ARFGEF1: variants seen among roughly 807,000 people sequenced by gnomAD.
ARFGEF1 encodes ARF guanine nucleotide exchange factor 1.
Under a neutral mutation model 231.0 loss-of-function variants are expected in ARFGEF1, and 42 were observed. The observed-to-expected ratio is 0.18, with a 90% CI of 0.14 to 0.24. ARFGEF1 has a LOEUF of 0.24. Among genes scored for constraint, ARFGEF1 ranks in the 10% least tolerant of loss-of-function variants. The probability of loss-of-function intolerance (pLI) is 1.00; values close to 1 mark genes in which losing one functional copy is unlikely to be tolerated. For synonymous variants in ARFGEF1, 710 were observed against 732.3 expected, an observed-to-expected ratio of 0.97 and a Z score of 0.49; for missense variants, 1,345 against 2,192.0, an observed-to-expected ratio of 0.61 and a Z score of 7.72.
intron 30 of ARFGEF1, 48 bp from the exon 31 acceptor site, chr8:67,218,186 A>C: frequency 3.2e-6 from 2 of 620,234 alleles, no homozygotes; most frequent in Non-Finnish European, 4.1e-6. Context: ...ATCAACTACT[A>C]TGATTAAAAA....
intron 1 of ARFGEF1, among the ~76,000 whole-genome samples, chr8:67,309,968 G>A (rs1199282397): frequency 1.3e-5 from 2 of 151,980 alleles, no homozygotes; most frequent in Non-Finnish European, 2.9e-5. Context: ...TTGACTTCAC[G>A]ATCCAACTTT....
chr8:67,175,325 ATGTACC>A (rs769189572), downstream of ARFGEF1: 13 of 1,612,834 alleles, frequency 8.1e-6, no homozygotes, highest in South Asian at 1.3e-4. Flanking sequence ...TCTGAAATTT[ATGTACC>A]TGGATCCTCC....
chr8:67,325,667 T>G (rs191837880), intron 1 of ARFGEF1, among the ~76,000 whole-genome samples: 1 of 152,300 alleles, frequency 6.6e-6, no homozygotes, highest in Non-Finnish European at 1.5e-5. Context: ...GAATAACTAA[T>G]ACGTCTAATA....
chr8:67,292,044 T>A lies in ARFGEF1; in HGVS notation c.719A>T (p.Glu240Val), dbSNP rs1806032322. 1 of 1,613,884 alleles carries A rather than the reference T, an allele frequency of 6.2e-7. No individual in the cohort carries two copies. Among genetic ancestry groups the A allele is most frequent in the East Asian group, 2.2e-5 (1 of 44,892 alleles). The change falls in exon 6 of 39, where the codon GAG becomes GTG. Residue 240 changes from glutamate to valine, a missense_variant. By Grantham distance (121) the Glu-to-Val change is moderately radical. Transcript: ENST00000262215. ...ATATCTAAGTTGAGGTGATTCAGGCTCGTGATGGCTTACTGGAGACTGTAA... is the reference window on the plus strand; with the variant it reads ...ATATCTAAGTTGAGGTGATTCAGGCACGTGATGGCTTACTGGAGACTGTAA... ...HLLQSPVSHHEPESPQLRYLP... is the reference protein window; with the variant it reads ...HLLQSPVSHHVPESPQLRYLP...
At chr8:67,245,596 T>G (rs1011900539) in intron 19 of ARFGEF1, among the ~76,000 whole-genome samples, 3 of 149,040 alleles carry the variant, frequency 2.0e-5, no homozygotes, top group Non-Finnish European at 4.4e-5. Context: ...AAAAAACCTA[T>G]AATGAATAAA....
chr8:67,246,129 A>G lies in ARFGEF1; in HGVS notation c.2850+5170T>C, dbSNP rs2128881990. Among the ~76,000 whole-genome samples, 2 of 150,492 alleles carry G rather than the reference A, an allele frequency of 1.3e-5. 1 individual carries two copies. Among genetic ancestry groups the G allele is most frequent in the East Asian group, 3.9e-4 (2 of 5,178 alleles). On this transcript the variant is annotated intron_variant, in intron 19 of 38. Coordinates refer to ENST00000262215, the MANE Select transcript of ARFGEF1 (RefSeq NM_006421.5). Reference sequence around the variant, plus strand: ...CCAAATATATAAAGCAAATATTATTAGAGCTAAAGACAGAGACAGACCCCA... The same window carrying G: ...CCAAATATATAAAGCAAATATTATTGGAGCTAAAGACAGAGACAGACCCCA...
Position 67,277,268 on chromosome 8 carries a change from C to G in ARFGEF1, c.1203+14G>C, listed in dbSNP as rs1246170050. On this transcript the variant is annotated intron_variant, in intron 8 of 38. Coordinates refer to ENST00000262215, the MANE Select transcript of ARFGEF1 (RefSeq NM_006421.5). ...TAACAGGATTTCTCCCCCTCCCCACCCCTCCATTTATACCTGAGTATCATT... is the reference window on the plus strand; with the variant it reads ...TAACAGGATTTCTCCCCCTCCCCACGCCTCCATTTATACCTGAGTATCATT... The G allele has an allele frequency of 2.5e-6, 4 of 1,611,834 alleles. No homozygotes were observed. The highest frequency in any genetic ancestry group is 8.5e-7 in the Non-Finnish European group (1 of 1,178,754).
At chr8:67,316,573 A>C (rs1226780667) in intron 1 of ARFGEF1, among the ~76,000 whole-genome samples, 1 of 151,422 alleles carries the variant, frequency 6.6e-6, no homozygotes, top group Non-Finnish European at 1.5e-5. Context: ...TGATCCTCCC[A>C]CCTCAGCCTC....
chr8:67,308,725 T>C (rs1806858577), intron 1 of ARFGEF1, among the ~76,000 whole-genome samples: 1 of 152,204 alleles, frequency 6.6e-6, no homozygotes, highest in South Asian at 2.1e-4. Flanking sequence ...TGCTTACCTT[T>C]GATTCTGAGC....
chr8:67,280,971 G>C (rs1171148821), intron 7 of ARFGEF1, among the ~76,000 whole-genome samples: 1 of 151,836 alleles, frequency 6.6e-6, no homozygotes, highest in African/African-American at 2.4e-5. Flanking sequence ...AGTTAGTATA[G>C]TCAGTGATAA....
intron 36 of ARFGEF1, among the ~76,000 whole-genome samples, chr8:67,202,878 G>GA (rs1052373680): frequency 9.9e-5 from 15 of 152,238 alleles, no homozygotes; most frequent in Admixed American, 3.9e-4. Flanking sequence ...GACCAAGGGG[G>GA]AAAAAATCCA....
rs570124715 is a variant in ARFGEF1 at position 67,307,785 on chromosome 8, A to G, written c.125-5319T>C. ...TCTGCCATACCACGTGTTCTTCTAC[A>G]TAGTGACCTTGCCACCAGGAGATAT... On this transcript the variant is annotated intron_variant, in intron 1 of 38. Coordinates refer to ENST00000262215, the MANE Select transcript of ARFGEF1 (RefSeq NM_006421.5). Among the ~76,000 whole-genome samples, 6 of 152,312 alleles carry G rather than the reference A, an allele frequency of 3.9e-5. No individual in the cohort carries two copies. The South Asian group carries it at 8.3e-4, about 21-fold the overall frequency.
At chr8:67,200,357 G>A in intron 38 of ARFGEF1, 39 bp downstream of exon 38, 2 of 1,419,594 alleles carry the variant, frequency 1.4e-6, no homozygotes, top group African/African-American at 1.4e-5. Context: ...TGCGAATTGG[G>A]CTAGAAATGT....
intron 10 of ARFGEF1, among the ~76,000 whole-genome samples, chr8:67,270,824 A>G (rs1371709346): frequency 6.6e-6 from 1 of 151,364 alleles, no homozygotes; most frequent in Non-Finnish European, 1.5e-5. Flanking sequence ...CGGGAGTTTG[A>G]GACCAACCTG....
chr8:67,285,653 C>A (rs148734169), intron 7 of ARFGEF1, among the ~76,000 whole-genome samples: 1 of 152,162 alleles, frequency 6.6e-6, no homozygotes, highest in Non-Finnish European at 1.5e-5. Context: ...ACCATCTTAA[C>A]CAAATGATCC....
At chr8:67,292,373 G>C (rs528989083) in intron 5 of ARFGEF1, among the ~76,000 whole-genome samples, 2 of 152,084 alleles carry the variant, frequency 1.3e-5, no homozygotes, top group Non-Finnish European at 2.9e-5. Context: ...ACTGTATTTG[G>C]TGTTTGTGTG....
chr8:67,205,684 C>A (rs1020029069), intron 34 of ARFGEF1, among the ~76,000 whole-genome samples: 1 of 151,714 alleles, frequency 6.6e-6, no homozygotes, highest in African/African-American at 2.4e-5. Context: ...TGATGAAACC[C>A]CATCTTTACA....
rs1838144825 is a variant in ARFGEF1, at chr8:67,197,909, C to T, written c.*1025G>A. On this transcript the variant is annotated 3_prime_UTR_variant, in exon 39 of 39. Transcript: ENST00000262215. ...CAGTATGAATACATTTCCAGTAAAT[C>T]TAACCTCCGCAAACCATGCCAGATT... is the stretch of plus-strand genomic sequence containing the variant. The T allele has an allele frequency of 1.0e-6, 1 of 985,742 alleles. No homozygotes were observed. Among genetic ancestry groups the T allele is most frequent in the South Asian group, 4.7e-5 (1 of 21,290 alleles). 61.1% of individuals were successfully genotyped at this position (985,742 alleles called of 1,614,324 possible). A position where few individuals can be genotyped will look rare whatever the true frequency, so the allele number is the denominator to read the frequency against.
Position 67,238,920 on chromosome 8 carries a change from C to A in ARFGEF1, c.2980-27G>T, listed in dbSNP as rs1284311699. 3 of 1,601,828 alleles carry A rather than the reference C, an allele frequency of 1.9e-6. No homozygotes were observed. In the East Asian group the frequency reaches 6.7e-5, roughly 36 times the overall value. On this transcript the variant is annotated intron_variant, in intron 20 of 38. Transcript: ENST00000262215. ...TATAAAAAAGAGAAAAGTATGTTTA[C>A]ACAGTTCTAAATAGAGCAGACTGAT...
Sources: allele counts gnomAD v4.1 joint callset (sites outside exome capture counted in the v4.1 genomes callset), GRCh38; gene constraint gnomAD v4.1.1; transcripts MANE v1.5; gene names NCBI Gene and HGNC (gene_info 2026-07-23, HGNC 2026-07-21).